Variants in CCNY observed in about 807,000 individuals in gnomAD.
CCNY encodes the protein cyclin-Y.
In CCNY, 19 loss-of-function variants were observed where a neutral mutation model predicts 42.8. The observed-to-expected ratio is 0.44, with a 90% confidence interval of 0.31 to 0.65. The LOEUF (loss-of-function observed/expected upper bound fraction) is 0.65, where lower values mean the gene tolerates loss of function less well. Among genes scored for constraint, CCNY ranks in the 30% least tolerant of loss-of-function variants. The pLI, the probability that CCNY is intolerant of heterozygous loss-of-function variation, is 0.07. For missense variants in CCNY, 370 were observed against 437.3 expected (o/e 0.85, Z 1.37); for synonymous variants, 165 against 162.7 (o/e 1.01, Z -0.11).
At position 35,569,446 on chromosome 10, in the gene CCNY, A is replaced by G. The variant is rs1841642033; in HGVS notation, c.*276A>G. 2 of 463,744 alleles carry G rather than the reference A, an allele frequency of 4.3e-6. No individual in the cohort carries two copies. Among genetic ancestry groups the G allele is most frequent in the Admixed American group, 3.4e-5 (1 of 29,612 alleles). 28.7% of individuals were successfully genotyped at this position (463,744 alleles called of 1,614,324 possible). ...GGAGGAGGAAATAAAGGGAAAGGGA[A>G]GTCGTGGAGAGGCAGGGAAAATGGT... is the stretch of plus-strand genomic sequence containing the variant. On this transcript the variant is annotated 3_prime_UTR_variant, in exon 10 of 10. Transcript: ENST00000374704.
At chr10:35,257,374 C>T (rs534950731) in intron 3 of CCNY, among the ~76,000 whole-genome samples, 3 of 150,670 alleles carry the variant, frequency 2.0e-5, no homozygotes, top group South Asian at 2.1e-4. Flanking sequence ...GACTCCTGGG[C>T]TCGGGTGATC....
chr10:35,413,209 G>A (rs1837951681), intron 1 of CCNY, among the ~76,000 whole-genome samples: 1 of 152,164 alleles, frequency 6.6e-6, no homozygotes, highest in South Asian at 2.1e-4. Context: ...GGGAAGTGGT[G>A]AAGGTCTGAA....
chr10:35,328,957 A>T (rs1835909524), intron 3 of CCNY, among the ~76,000 whole-genome samples: 2 of 152,254 alleles, frequency 1.3e-5, no homozygotes, highest in Non-Finnish European at 2.9e-5. Context: ...AGTAAAACAT[A>T]ATACATCTTG....
chr10:35,315,995 A>T (rs756296319), intron 3 of CCNY, among the ~76,000 whole-genome samples: 4 of 152,204 alleles, frequency 2.6e-5, no homozygotes, highest in Non-Finnish European at 2.9e-5. Flanking sequence ...TCTATCCCAT[A>T]TAAGTGTAAT....
intron 1 of CCNY, among the ~76,000 whole-genome samples, chr10:35,472,420 T>C (rs1027701119): frequency 6.6e-6 from 1 of 152,258 alleles, no homozygotes; most frequent in African/African-American, 2.4e-5. Context: ...ATGTGGGTTA[T>C]AGAGTCAGTC....
chr10:35,383,524 T>G (rs1405648909), intron 1 of CCNY, among the ~76,000 whole-genome samples: 2 of 152,166 alleles, frequency 1.3e-5, no homozygotes, highest in African/African-American at 2.4e-5. Flanking sequence ...GCCAGGCTGG[T>G]CTCAAACTCC....
Position 35,260,655 on chromosome 10 carries a change from C to G in CCNY, c.-9+10029C>G, listed in dbSNP as rs562702324. On this transcript the variant is annotated intron_variant, in intron 3 of 11. Coordinates refer to the CCNY transcript ENST00000374706. The stretch of plus-strand genomic sequence containing the variant: ...ATTTGATGTGGTTTAGAATAACTGC[C>G]CAGTTAACATTGCCAGGCAGGGACT... 3.9e-5 allele frequency among the ~76,000 whole-genome samples: 6 copies of G among 152,268 alleles called. No homozygotes were observed. In the East Asian group the frequency reaches 1.2e-3, roughly 29 times the overall value.
At chr10:35,379,863 G>A (rs1004640699) in intron 1 of CCNY, among the ~76,000 whole-genome samples, 2 of 152,178 alleles carry the variant, frequency 1.3e-5, no homozygotes, top group Admixed American at 6.5e-5. Flanking sequence ...TGATGGAGCC[G>A]TCTATTGGAG....
chr10:35,477,576 A>G (rs1362394371), intron 1 of CCNY, among the ~76,000 whole-genome samples: 1 of 152,094 alleles, frequency 6.6e-6, no homozygotes, highest in African/African-American at 2.4e-5. Context: ...GGCCTTTGAC[A>G]AAATTCAACA....
chr10:35,503,590 T>C (rs1840155136), intron 3 of CCNY, among the ~76,000 whole-genome samples: 2 of 152,306 alleles, frequency 1.3e-5, no homozygotes, highest in South Asian at 4.1e-4. Context: ...GTTAGAACAG[T>C]GGAGAAAGGA....
intron 3 of CCNY, among the ~76,000 whole-genome samples, chr10:35,285,059 A>G (rs1835337442): frequency 6.6e-6 from 1 of 152,116 alleles, no homozygotes; most frequent in Admixed American, 6.5e-5. Flanking sequence ...TCTGTTGCCC[A>G]GGCTGGAGTG....
chr10:35,320,165 G>A (rs1835804647), intron 3 of CCNY, among the ~76,000 whole-genome samples: 1 of 151,832 alleles, frequency 6.6e-6, no homozygotes. Context: ...GACATTGAAA[G>A]GAATACCTCA....
At chr10:35,252,565 C>CA (rs755376669) in intron 3 of CCNY, among the ~76,000 whole-genome samples, 1,254 of 21,282 alleles carry the variant, frequency 0.059, 102 homozygotes, top group African/African-American at 0.15. Flanking sequence ...GACTCCGTCT[C>CA]AAAAAAAAAA....
intron 7 of CCNY, among the ~76,000 whole-genome samples, chr10:35,548,299 T>C (rs1267473956): frequency 6.8e-6 from 1 of 147,692 alleles, no homozygotes; most frequent in Non-Finnish European, 1.5e-5. Context: ...TATGTATATA[T>C]ATATATATAT....
At chr10:35,324,945 C>T (rs1835862254) in intron 3 of CCNY, among the ~76,000 whole-genome samples, 1 of 152,184 alleles carries the variant, frequency 6.6e-6, no homozygotes, top group Admixed American at 6.5e-5. Flanking sequence ...ATAATGAGAA[C>T]ACCCATCATC....
chr10:35,270,928 T>G (rs975882797), intron 3 of CCNY, among the ~76,000 whole-genome samples: 1 of 151,874 alleles, frequency 6.6e-6, no homozygotes, highest in Non-Finnish European at 1.5e-5. Flanking sequence ...GGCTTCACCG[T>G]GTTAGCCGGG....
chr10:35,264,524 G>T (rs965198661), intron 3 of CCNY, among the ~76,000 whole-genome samples: 1 of 151,934 alleles, frequency 6.6e-6, no homozygotes, highest in African/African-American at 2.4e-5. Context: ...GGTATGAGAT[G>T]GTATCTCATT....
chr10:35,284,919 A>C (rs1017790689), intron 3 of CCNY, among the ~76,000 whole-genome samples: 2 of 151,054 alleles, frequency 1.3e-5, no homozygotes, highest in African/African-American at 2.4e-5. Context: ...CATTTGGGGG[A>C]TTTTTCTTTC....
intron 3 of CCNY, among the ~76,000 whole-genome samples, chr10:35,323,700 C>A (rs1454701353): frequency 1.3e-5 from 2 of 152,048 alleles, no homozygotes; most frequent in African/African-American, 2.4e-5. Flanking sequence ...ATGGTGGTTA[C>A]ATGCGTATAT....
Sources: gnomAD v4.1 joint callset for allele counts (sites outside exome capture counted in the v4.1 genomes callset) on GRCh38, gnomAD v4.1.1 for gene constraint, MANE v1.5 for transcripts, NCBI Gene and HGNC (gene_info 2026-07-23, HGNC 2026-07-21) for gene names.